Variants in SLC23A2 observed in about 807,000 individuals in gnomAD.
SLC23A2 encodes Na(+)/L-ascorbic acid transporter 2.
A neutral mutation model predicts 73.3 loss-of-function variants in SLC23A2; 36 were observed. The ratio of observed to expected loss-of-function variants is 0.49; its 90% confidence interval spans 0.38 to 0.65. The LOEUF is 0.65. Ranked by LOEUF, SLC23A2 falls within the 30% of genes least tolerant of loss-of-function variation. The probability of loss-of-function intolerance (pLI) is 0.00; values close to 1 mark genes in which losing one functional copy is unlikely to be tolerated. For synonymous variants in SLC23A2, 343 were observed against 327.3 expected (o/e 1.05, Z -0.52); for missense variants, 507 against 841.6 (o/e 0.60, Z 4.92).
intron 1 of SLC23A2, among the ~76,000 whole-genome samples, chr20:4,997,056 GTCC>G (rs2122356882): frequency 6.6e-6 from 1 of 152,196 alleles, no homozygotes; most frequent in Non-Finnish European, 1.5e-5. Context: ...GAACCTCGGA[GTCC>G]TCCTCAGTTT....
chr20:4,918,038 A>AT (rs1417776433), intron 3 of SLC23A2, among the ~76,000 whole-genome samples: 1 of 152,222 alleles, frequency 6.6e-6, no homozygotes, highest in East Asian at 1.9e-4. Context: ...TGAGGACTGA[A>AT]TTTTTTATGG....
intron 13 of SLC23A2, among the ~76,000 whole-genome samples, chr20:4,866,797 TC>T (rs1415102514): frequency 6.6e-6 from 1 of 152,040 alleles, no homozygotes; most frequent in African/African-American, 2.4e-5. Flanking sequence ...AATCCACTCC[TC>T]CCTCCCAATT....
chr20:4,979,584 G>A (rs2087695852), intron 1 of SLC23A2, among the ~76,000 whole-genome samples: 1 of 151,964 alleles, frequency 6.6e-6, no homozygotes, highest in African/African-American at 2.4e-5. Context: ...TTAAAATATA[G>A]AGACAATAAT....
rs1931663182 is a variant in SLC23A2, at chr20:4,899,417, G to A, written c.482+138C>T. The stretch of plus-strand genomic sequence containing the variant: ...ACTGGGAGGAACACTGAGGGGTGGG[G>A]ACCAACGGCCACTAGGACATTCCCG... On this transcript the variant is annotated intron_variant, in intron 6 of 16. Transcript: ENST00000338244. This position sits in a 1 kb window ranked among gnomAD's most constrained non-coding sequence, Gnocchi z 4.9. 1 of 935,734 alleles carries A rather than the reference G, an allele frequency of 1.1e-6. No homozygotes were observed. Among genetic ancestry groups the A allele is most frequent in the Non-Finnish European group, 1.7e-6 (1 of 596,002 alleles). The allele number at this position is 935,734 out of a possible 1,614,324, so 58.0% of individuals were successfully genotyped here.
chr20:4,868,406 C>T lies in SLC23A2; in HGVS notation c.1251-531G>A, dbSNP rs1203511601. ...GCATTTTAACAGAACCCCCAAAGCT[C>T]ATTCCATTTTGAGAAGCACATCTCT... On this transcript the variant is annotated intron_variant, in intron 12 of 16. Transcript: ENST00000338244. This position sits in a 1 kb window ranked among gnomAD's most constrained non-coding sequence, Gnocchi z 4.4. 6.6e-6 allele frequency among the ~76,000 whole-genome samples: 1 copy of T among 152,176 alleles called. No individual in the cohort carries two copies. Among genetic ancestry groups the T allele is most frequent in the East Asian group, 1.9e-4 (1 of 5,190 alleles).
upstream of SLC23A2, among the ~76,000 whole-genome samples, chr20:5,001,807 G>A (rs1303424788): frequency 4.6e-5 from 7 of 151,958 alleles, no homozygotes; most frequent in African/African-American, 1.7e-4. Flanking sequence ...GCTGGTCCCT[G>A]AGTGTCCTGG....
chr20:4,876,629 T>C (rs1389923223), intron 9 of SLC23A2, among the ~76,000 whole-genome samples: 3 of 152,168 alleles, frequency 2.0e-5, no homozygotes, highest in Non-Finnish European at 4.4e-5. Context: ...CCACCTCATG[T>C]TTACCTTTGC....
At chr20:4,999,687 C>T (rs2088086041) in intron 1 of SLC23A2, among the ~76,000 whole-genome samples, 1 of 152,032 alleles carries the variant, frequency 6.6e-6, no homozygotes, top group Non-Finnish European at 1.5e-5. Flanking sequence ...ACCACAACAC[C>T]CGGCCCAGGT....
At chr20:4,910,573 C>A (rs1406424596) in intron 4 of SLC23A2, among the ~76,000 whole-genome samples, 2 of 152,082 alleles carry the variant, frequency 1.3e-5, no homozygotes, top group Non-Finnish European at 2.9e-5. Context: ...TGCAACCCAA[C>A]CACAGGCGTG....
upstream of SLC23A2, among the ~76,000 whole-genome samples, chr20:5,006,137 G>A (rs112247661): frequency 0.018 from 2,714 of 151,932 alleles, 99 homozygotes; most frequent in South Asian, 0.16. Flanking sequence ...TCACTCTGTC[G>A]CCCAGGCTGG....
Position 4,862,651 on chromosome 20 carries a change from C to T in SLC23A2, c.1486+127G>A, listed in dbSNP as rs891498539. On this transcript the variant is annotated intron_variant, in intron 14 of 16. Transcript: ENST00000338244. The surrounding 1 kb of genome is among the most constrained non-coding windows in gnomAD (Gnocchi z 5.1). ...GATAAAAGTTTTCATTTTTTGAAGG[C>T]ATATCCTTTGTATTTTAAAATAGAA... 47 of 812,144 alleles carry T rather than the reference C, an allele frequency of 5.8e-5. No individual in the cohort carries two copies. Among genetic ancestry groups the T allele is most frequent in the Non-Finnish European group, 7.0e-5 (36 of 516,288 alleles). 50.3% of individuals were successfully genotyped at this position (812,144 alleles called of 1,614,324 possible). A position where few individuals can be genotyped will look rare whatever the true frequency, so the allele number is the denominator to read the frequency against.
intron 2 of SLC23A2, among the ~76,000 whole-genome samples, chr20:4,939,250 C>T (rs993096006): frequency 3.3e-5 from 5 of 152,292 alleles, no homozygotes; most frequent in Admixed American, 6.5e-5. Flanking sequence ...GGTTCTCCAA[C>T]GTTTGTGGAC....
intron 4 of SLC23A2, 112 bp downstream of exon 4, chr20:4,912,768 C>G: frequency 1.4e-6 from 1 of 735,654 alleles, no homozygotes; most frequent in East Asian, 2.5e-5. Context: ...GAGACCAAGC[C>G]CCAGACGAAG....
At position 4,883,128 on chromosome 20, in the gene SLC23A2, C is replaced by G. The variant is rs1330339908; in HGVS notation, c.824+514G>C. On this transcript the variant is annotated intron_variant, in intron 9 of 16. Transcript: ENST00000338244. The surrounding 1 kb of genome is among the most constrained non-coding windows in gnomAD (Gnocchi z 4.5). ...AAGGACAGGCACTGACTAGCAGGAC[C>G]CTGGCAGAAACTATGTCCCTCCCCC... 1.3e-5 allele frequency among the ~76,000 whole-genome samples: 2 copies of G among 152,130 alleles called. No homozygotes were observed. Among genetic ancestry groups the G allele is most frequent in the Non-Finnish European group, 2.9e-5 (2 of 68,034 alleles).
At chr20:4,952,185 T>C (rs1477583565) in intron 2 of SLC23A2, among the ~76,000 whole-genome samples, 2 of 150,952 alleles carry the variant, frequency 1.3e-5, no homozygotes, top group Non-Finnish European at 2.9e-5. Flanking sequence ...TAAAAAACTA[T>C]TCTGAGATTA....
At chr20:4,986,338 C>T (rs1285934009) in intron 1 of SLC23A2, among the ~76,000 whole-genome samples, 1 of 151,944 alleles carries the variant, frequency 6.6e-6, no homozygotes, top group Non-Finnish European at 1.5e-5. Context: ...TGGTATGAAA[C>T]CTTTTTATTT....
At chr20:4,896,478 G>A (rs756206230) in intron 6 of SLC23A2, among the ~76,000 whole-genome samples, 2 of 152,116 alleles carry the variant, frequency 1.3e-5, no homozygotes, top group African/African-American at 2.4e-5. Flanking sequence ...TGGCAGGGGC[G>A]CTCCCCTCCC....
At chr20:4,900,669 G>A (rs539200999) in intron 5 of SLC23A2, among the ~76,000 whole-genome samples, 25 of 152,116 alleles carry the variant, frequency 1.6e-4, no homozygotes, top group African/African-American at 6.0e-4. Context: ...TTCCAGTCAG[G>A]GCAGGGTTAA....
chr20:4,862,800 T>A lies in SLC23A2; in HGVS notation c.1464A>T (p.Gly488=), dbSNP rs1930025487. ...TACCAAAGAGCGTGCAGAACAGGGC[T>A]CCCAGCACAGGATCCGGAAGGGACG... ...LFASLPDPVL[G]ALFCTLFGMI... is the part of the protein sequence containing the mutation. The change falls in exon 14 of 17, where the codon GGA becomes GGT. Residue 488 remains glycine, a synonymous_variant. Transcript: ENST00000338244. The surrounding 1 kb of genome is among the most constrained non-coding windows in gnomAD (Gnocchi z 5.1). The A allele has an allele frequency of 6.2e-7, 1 of 1,613,828 alleles. No individual in the cohort carries two copies. The highest frequency in any genetic ancestry group is 1.7e-5 in the Admixed American group (1 of 60,006).
Sources: gnomAD v4.1 joint callset for allele counts (sites outside exome capture counted in the v4.1 genomes callset) on GRCh38, gnomAD v4.1.1 for gene constraint, Gnocchi (gnomAD v3.1) non-coding constraint, MANE v1.5 for transcripts, NCBI Gene and HGNC (gene_info 2026-07-23, HGNC 2026-07-21) for gene names.